PRKN: variants seen among roughly 807,000 people sequenced by gnomAD.
PRKN encodes E3 ubiquitin-protein ligase parkin.
A neutral mutation model predicts 59.5 loss-of-function variants in PRKN; 56 were observed. The ratio of observed to expected loss-of-function variants is 0.94; its 90% CI spans 0.76 to 1.18. The LOEUF (loss-of-function observed/expected upper bound fraction) is 1.18. PRKN is among the 50% of genes most tolerant of loss of function. The pLI is 0.00. For synonymous variants in PRKN, 250 were observed against 222.1 expected (o/e 1.13, Z -1.12); for missense variants, 657 against 596.4 (o/e 1.10, Z -1.06).
intron 6 of PRKN, among the ~76,000 whole-genome samples, chr6:161,834,073 C>T (rs778914938): frequency 4.6e-5 from 7 of 152,120 alleles, no homozygotes; most frequent in Non-Finnish European, 8.8e-5. Flanking sequence ...GCACAGACAT[C>T]GTGTAAGAGC....
intron 6 of PRKN, among the ~76,000 whole-genome samples, chr6:161,821,879 G>A (rs1293481937): frequency 1.3e-5 from 2 of 151,558 alleles, no homozygotes; most frequent in Non-Finnish European, 2.9e-5. Context: ...CTCCCCAGTA[G>A]CTGGGACTAC....
chr6:161,685,585 T>C (rs556908501), intron 7 of PRKN, among the ~76,000 whole-genome samples: 1 of 152,172 alleles, frequency 6.6e-6, no homozygotes, highest in Non-Finnish European at 1.5e-5. Flanking sequence ...GATTAAATAT[T>C]GATTTAAAAG....
At chr6:162,414,616 C>T (rs2128156396) in intron 2 of PRKN, among the ~76,000 whole-genome samples, 1 of 149,872 alleles carries the variant, frequency 6.7e-6, no homozygotes, top group African/African-American at 2.5e-5. Context: ...GAGGCTGAAG[C>T]AGGAGAATGG....
intron 1 of PRKN, among the ~76,000 whole-genome samples, chr6:162,652,412 C>A (rs1244071961): frequency 6.6e-6 from 1 of 152,086 alleles, no homozygotes; most frequent in East Asian, 1.9e-4. Context: ...ACAATTGTTT[C>A]CAATTTCTCA....
rs1331763685 is a variant in PRKN at position 162,363,129 on chromosome 6, AAC to A, written c.171+80179_171+80180del. On this transcript the variant is annotated intron_variant, in intron 2 of 11. Transcript: ENST00000366898. ...GGTGACAGAGCGAGACTCCTTCTCAAACAAAAAAAAAAAAAAAAAAAAAAAAA... is the reference window on the plus strand; with the variant it reads ...GGTGACAGAGCGAGACTCCTTCTCAAAAAAAAAAAAAAAAAAAAAAAAAAA... Among the ~76,000 whole-genome samples, 85 of 106,642 alleles carry A rather than the reference AAC, an allele frequency of 8.0e-4. 2 individuals carry two copies. Among genetic ancestry groups the A allele is most frequent in the Non-Finnish European group, 1.3e-3 (68 of 51,490 alleles). 70.0% of individuals were successfully genotyped at this position (106,642 alleles called of 152,430 possible). A position where few individuals can be genotyped will look rare whatever the true frequency, so the allele number is the denominator to read the frequency against.
chr6:162,651,074 T>C (rs1446837592), intron 1 of PRKN, among the ~76,000 whole-genome samples: 2 of 152,176 alleles, frequency 1.3e-5, no homozygotes, highest in Admixed American at 1.3e-4. Context: ...TGAAATACTT[T>C]ATTATCCTGT....
intron 7 of PRKN, among the ~76,000 whole-genome samples, chr6:161,699,560 A>G (rs1243315102): frequency 6.6e-6 from 1 of 152,202 alleles, no homozygotes; most frequent in Non-Finnish European, 1.5e-5. Flanking sequence ...TATAATCTCA[A>G]TACCGTGTAT....
intron 1 of PRKN, among the ~76,000 whole-genome samples, chr6:162,553,309 G>A (rs1779404023): frequency 6.6e-6 from 1 of 151,968 alleles, no homozygotes; most frequent in South Asian, 2.1e-4. Flanking sequence ...AGTGCTCTTG[G>A]TGTCACCTTC....
chr6:161,478,863 T>C (rs1326515830), intron 9 of PRKN, among the ~76,000 whole-genome samples: 1 of 152,016 alleles, frequency 6.6e-6, no homozygotes, highest in Non-Finnish European at 1.5e-5. Flanking sequence ...AAAACAAAAA[T>C]GATGTATCAA....
Position 162,182,398 on chromosome 6 carries a change from C to T in PRKN, c.534+18733G>A, listed in dbSNP as rs116103781. On this transcript the variant is annotated intron_variant, in intron 4 of 11. Transcript: ENST00000366898. ...ATATTACACGTAGAAGCGTCTCAGC[C>T]TGAGGACAAGTGGCACTAGCTGTAG... Among the ~76,000 whole-genome samples the T allele has an allele frequency of 6.9e-3, 1,052 of 152,276 alleles. 11 individuals carry two copies. Among genetic ancestry groups the T allele is most frequent in the African/African-American group, 0.024 (1,016 of 41,556 alleles).
At chr6:162,325,300 C>T (rs1458544643) in intron 2 of PRKN, among the ~76,000 whole-genome samples, 3 of 152,090 alleles carry the variant, frequency 2.0e-5, no homozygotes, top group Non-Finnish European at 4.4e-5. Flanking sequence ...CAAATGCTTT[C>T]TTAAGAGCTC....
intron 4 of PRKN, among the ~76,000 whole-genome samples, chr6:162,156,018 G>C (rs1782498223): frequency 1.3e-5 from 2 of 152,098 alleles, no homozygotes; most frequent in Non-Finnish European, 2.9e-5. Flanking sequence ...AGGAATAGTG[G>C]AAATGAGGAA....
intron 7 of PRKN, among the ~76,000 whole-genome samples, chr6:161,699,905 T>C: frequency 6.6e-6 from 1 of 152,166 alleles, no homozygotes; most frequent in Non-Finnish European, 1.5e-5. Flanking sequence ...TGTTTTTCCC[T>C]CCTGTCCATT....
intron 1 of PRKN, among the ~76,000 whole-genome samples, chr6:162,724,447 A>C (rs1779049514): frequency 2.0e-5 from 3 of 152,218 alleles, no homozygotes; most frequent in Admixed American, 2.0e-4. Flanking sequence ...ACATGTCATT[A>C]GCAGTGAGGT....
chr6:162,187,346 T>C (rs529145221), intron 4 of PRKN, among the ~76,000 whole-genome samples: 9 of 152,310 alleles, frequency 5.9e-5, no homozygotes, highest in African/African-American at 2.2e-4. Flanking sequence ...TCACACTTCC[T>C]ACACTTGACA....
At chr6:162,311,934 G>A (rs1218447654) in intron 2 of PRKN, among the ~76,000 whole-genome samples, 1 of 151,814 alleles carries the variant, frequency 6.6e-6, no homozygotes, top group Non-Finnish European at 1.5e-5. Context: ...TTAAGTTTCA[G>A]ATACCCAGAC....
intron 5 of PRKN, among the ~76,000 whole-genome samples, chr6:161,978,011 TTATTG>T (rs1438484465): frequency 5.6e-4 from 83 of 148,296 alleles, no homozygotes; most frequent in African/African-American, 2.1e-3. Flanking sequence ...TGCAGTTATT[TTATTG>T]TATTTTATTT....
At chr6:162,111,232 A>G (rs1328324740) in intron 4 of PRKN, among the ~76,000 whole-genome samples, 1 of 152,082 alleles carries the variant, frequency 6.6e-6, no homozygotes, top group Non-Finnish European at 1.5e-5. Flanking sequence ...TTGGGAGGCC[A>G]AGGTGGGCAG....
chr6:162,598,915 G>A (rs951417626), intron 1 of PRKN, among the ~76,000 whole-genome samples: 2 of 149,328 alleles, frequency 1.3e-5, no homozygotes, highest in African/African-American at 4.9e-5. Context: ...ATGATTAAAT[G>A]CAGGCCAAAG....
Sources: allele counts gnomAD v4.1 joint callset (sites outside exome capture counted in the v4.1 genomes callset), GRCh38; gene constraint gnomAD v4.1.1; transcripts MANE v1.5; gene names NCBI Gene and HGNC (gene_info 2026-07-23, HGNC 2026-07-21).